The following NKX3-2 variants were observed in gnomAD, a reference collection of about 807,000 sequenced individuals.
NKX3-2 encodes the protein NK3 homeobox 2.
In NKX3-2, 13 loss-of-function variants were observed where a neutral mutation model predicts 19.4. That is an observed-to-expected ratio of 0.67 (90% CI 0.44 to 1.07). NKX3-2 has a LOEUF of 1.07. Ranked by LOEUF, NKX3-2 falls within the 50% of genes least tolerant of loss-of-function variation. The pLI is 0.00. For missense variants in NKX3-2, 562 were observed against 488.2 expected, an observed-to-expected ratio of 1.15 and a Z score of -1.42; for synonymous variants, 269 against 230.5, an observed-to-expected ratio of 1.17 and a Z score of -1.51.
In NKX3-2 at chr4:13,542,286, C is replaced by A. The variant is rs778533056; in HGVS notation, c.709G>T (p.Ala237Ser). 1.9e-6 allele frequency: 3 copies of A among 1,609,002 alleles called. No homozygotes were observed. The highest frequency in any genetic ancestry group is 2.5e-6 in the Non-Finnish European group (3 of 1,178,636). The change falls in exon 2 of 2, where the codon GCA (alanine) becomes TCA (serine). Residue 237 changes from alanine to serine, a missense_variant. Transcript: ENST00000382438. The surrounding 1 kb of genome is among the most constrained non-coding windows in gnomAD (Gnocchi z 6.4). ...HQRYLSGPER[A>S]DLAASLKLTE... Reference sequence around the variant, plus strand: ...AGCTTCAGCGACGCGGCCAGGTCTGCGCGCTCGGGCCCGGACAGGTAGCGC... The same window carrying A: ...AGCTTCAGCGACGCGGCCAGGTCTGAGCGCTCGGGCCCGGACAGGTAGCGC...
chr4:13,547,354 A>G (rs1577287127), upstream of NKX3-2: 2 of 407,480 alleles, frequency 4.9e-6, no homozygotes, highest in South Asian at 3.5e-5. Context: ...TGTGAGCTCC[A>G]GGAACTCTGC....
Position 13,542,095 on chromosome 4 carries a change from C to A in NKX3-2, c.900G>T (p.Arg300=), listed in dbSNP as rs775647687. ...GCTGCAGTGGCAGAAGCGAGGGTGG[C>A]CGCAGCACTTCGCCGGGCAGGTATT... The part of the protein sequence containing the change: ...QRQYLPGEVL[R]PPSLLPLQPS... Residue 300 remains arginine (R), a synonymous_variant, in exon 2 of 2, where the codon CGG becomes CGT. Transcript: ENST00000382438. This position sits in a 1 kb window ranked among gnomAD's most constrained non-coding sequence, Gnocchi z 6.4. 7.5e-6 allele frequency: 12 copies of A among 1,606,796 alleles called. No homozygotes were observed. The highest frequency in any genetic ancestry group is 2.2e-5 in the East Asian group (1 of 44,614).
chr4:13,544,285 C>A lies in NKX3-2; in HGVS notation c.130G>T (p.Ala44Ser). 6.5e-7 allele frequency: 1 copy of A among 1,544,534 alleles called. No homozygotes were observed. Among genetic ancestry groups the A allele is most frequent in the Non-Finnish European group, 8.7e-7 (1 of 1,153,022 alleles). The stretch of plus-strand genomic sequence containing the variant: ...CAACAGCAGACAGCGGGAGCCGCGG[C>A]CACCGATGCCGCTGTGCCCCCGGGC... Reference protein sequence around the residue: ...PAPGGTAASVAAAPAVCCWRL... With the variant: ...PAPGGTAASVSAAPAVCCWRL... Residue 44 changes from alanine (A) to serine (S), a missense_variant, in exon 1 of 2, where the codon GCC becomes TCC. By Grantham distance (99) the Ala-to-Ser change is moderately conservative. Transcript: ENST00000382438.
chr4:13,542,188 G>C lies in NKX3-2; in HGVS notation c.807C>G (p.Asp269Glu). The C allele has an allele frequency of 6.2e-7, 1 of 1,609,388 alleles. No homozygotes were observed. Among genetic ancestry groups the C allele is most frequent in the East Asian group, 2.2e-5 (1 of 44,616 alleles). ...TGGCGGCGGGCGCCGAGGCCAGCAG[G>C]TCGGCTGCCATCTGCCGGCGCTTTG... ...YKTKRRQMAA[D>E]LLASAPAAKK... Residue 269 changes from aspartate (D) to glutamate (E), a missense_variant, in exon 2 of 2, where the codon GAC becomes GAG. Coordinates refer to ENST00000382438, the MANE Select transcript of NKX3-2 (RefSeq NM_001189.4). This position sits in a 1 kb window ranked among gnomAD's most constrained non-coding sequence, Gnocchi z 6.4.
chr4:13,542,401 C>T lies in NKX3-2; in HGVS notation c.594G>A (p.Glu198=), dbSNP rs1268326197. 1.3e-6 allele frequency: 2 copies of T among 1,501,588 alleles called. No individual in the cohort carries two copies. 93.0% of individuals were successfully genotyped at this position (1,501,588 alleles called of 1,614,324 possible). A position where few individuals can be genotyped will look rare whatever the true frequency, so the allele number is the denominator to read the frequency against. ...GPAGVAEEEE[E]PAAPKPRKKR... ...TCTTGCGTGGCTTGGGCGCCGCCGG[C>T]TCCTCCTCCTCCTCCGCGACGCCTG... The change falls in exon 2 of 2, where the codon GAG becomes GAA. Residue 198 remains glutamate, a synonymous_variant. Transcript: ENST00000382438. This position sits in a 1 kb window ranked among gnomAD's most constrained non-coding sequence, Gnocchi z 6.4.
upstream of NKX3-2, chr4:13,547,102 G>T: frequency 6.6e-6 from 3 of 456,334 alleles, no homozygotes; most frequent in Non-Finnish European, 1.3e-5. Context: ...GTCTTGAGCT[G>T]CAACTAGAAG....
chr4:13,542,667 G>T lies in NKX3-2; in HGVS notation c.467-139C>A. 1 of 1,150,994 alleles carries T rather than the reference G, an allele frequency of 8.7e-7. No homozygotes were observed. The highest frequency in any genetic ancestry group is 1.3e-6 in the Non-Finnish European group (1 of 793,000). The allele number at this position is 1,150,994 out of a possible 1,614,324, so 71.3% of individuals were successfully genotyped here. ...CTCAAGCGGAGCGGAGGTCTGGGAG[G>T]CCCTGGGCCCGGGAGACCAGTCTTA... On this transcript the variant is annotated intron_variant, in intron 1 of 1. Transcript: ENST00000382438. This position sits in a 1 kb window ranked among gnomAD's most constrained non-coding sequence, Gnocchi z 6.4.
At chr4:13,545,246 C>T (rs986697306), upstream of NKX3-2, among the ~76,000 whole-genome samples, 3 of 152,214 alleles carry the variant, frequency 2.0e-5, no homozygotes, top group Non-Finnish European at 4.4e-5. Context: ...GTCCTCGAAG[C>T]ACCCTCCAGC....
chr4:13,545,552 C>T (rs948527641), upstream of NKX3-2, among the ~76,000 whole-genome samples: 5 of 151,450 alleles, frequency 3.3e-5, no homozygotes, highest in Non-Finnish European at 7.4e-5. Flanking sequence ...TTTTTCTTTC[C>T]TCGTCGTCTT....
rs1718067047 is a variant in NKX3-2 at position 13,544,205 on chromosome 4, CAG to C, written c.208_209del (p.Leu70AlafsTer61). 2 of 1,599,554 alleles carry C rather than the reference CAG, an allele frequency of 1.3e-6. No individual in the cohort carries two copies. Among genetic ancestry groups the C allele is most frequent in the Non-Finnish European group, 1.7e-6 (2 of 1,178,384 alleles). Reference sequence around the variant, plus strand: ...TTCTGGTACCGGCAGGAGACGCCAGCAGAGAGTCCTCGGCGCCCCCCAACGCG... The same window carrying C: ...TTCTGGTACCGGCAGGAGACGCCAGCAGAGTCCTCGGCGCCCCCCAACGCG... ...AGALGGAEDS[L>X]LASPAGTRTA... On this transcript the variant is annotated frameshift_variant, in exon 1 of 2. Transcript: ENST00000382438. LOFTEE classifies it high-confidence loss of function.
Position 13,544,386 on chromosome 4 carries a change from G to T in NKX3-2, c.29C>A (p.Thr10Lys), listed in dbSNP as rs369239936. The T allele has an allele frequency of 1.0e-5, 16 of 1,548,326 alleles. No homozygotes were observed. In the African/African-American group the frequency reaches 1.8e-4, roughly 18 times the overall value. Residue 10 changes from threonine (T) to lysine (K), a missense_variant, in exon 1 of 2, where the codon ACG becomes AAG. Coordinates refer to ENST00000382438, the MANE Select transcript of NKX3-2 (RefSeq NM_001189.4). MAVRGANTL[T>K]SFSIQAILNK... ...GAGGATCGCCTGGATGGAGAAGGACGTCAAGGTGTTGGCGCCGCGCACAGC... is the reference window on the plus strand; with the variant it reads ...GAGGATCGCCTGGATGGAGAAGGACTTCAAGGTGTTGGCGCCGCGCACAGC...
In NKX3-2 at chr4:13,543,055, T is replaced by C. The variant is rs931799084; in HGVS notation, c.467-527A>G. 3.9e-5 allele frequency among the ~76,000 whole-genome samples: 6 copies of C among 151,998 alleles called. No individual in the cohort carries two copies. Among genetic ancestry groups the C allele is most frequent in the African/African-American group, 1.4e-4 (6 of 41,414 alleles). On this transcript the variant is annotated intron_variant, in intron 1 of 1. Coordinates refer to ENST00000382438, the MANE Select transcript of NKX3-2 (RefSeq NM_001189.4). This position sits in a 1 kb window ranked among gnomAD's most constrained non-coding sequence, Gnocchi z 7.1. ...TTAGAATCTTTCACCCTCAGCCGCC[T>C]GGGATTGCTGTGAGAGACATGGAAA...
At position 13,544,253 on chromosome 4, in the gene NKX3-2, G is replaced by C; in HGVS notation, c.162C>G (p.Leu54=). The change falls in exon 1 of 2, where the codon CTC becomes CTG. Residue 54 remains leucine, a synonymous_variant. Transcript: ENST00000382438. ...AAAPAVCCWR[L]FGERDAGALG... ...ACGCGCCCGCGTCCCTCTCCCCAAA[G>C]AGCCGCCAACAGCAGACAGCGGGAG... 1 of 1,578,880 alleles carries C rather than the reference G, an allele frequency of 6.3e-7. No homozygotes were observed. The highest frequency in any genetic ancestry group is 8.5e-7 in the Non-Finnish European group (1 of 1,171,120).
upstream of NKX3-2, chr4:13,546,846 C>G (rs1227141062): frequency 6.8e-6 from 3 of 444,332 alleles, 1 homozygote; most frequent in East Asian, 2.1e-4. Context: ...CATACTCCTG[C>G]CACAGCCTTG....
chr4:13,546,810 A>G (rs1718142721), upstream of NKX3-2: 2 of 405,702 alleles, frequency 4.9e-6, no homozygotes, highest in Non-Finnish European at 1.0e-5. Context: ...TTCGATGTTT[A>G]AAAAGAATCC....
chr4:13,545,671 G>C (rs115947622), upstream of NKX3-2, among the ~76,000 whole-genome samples: 2,392 of 152,102 alleles, frequency 0.016, 30 homozygotes, highest in Non-Finnish European at 0.022. Flanking sequence ...TAAATTTTAT[G>C]GTCGTTTCCC....
upstream of NKX3-2, chr4:13,547,419 C>G: frequency 3.1e-6 from 1 of 326,206 alleles, no homozygotes; most frequent in Non-Finnish European, 6.0e-6. Flanking sequence ...GTTGGCGGAG[C>G]TGCGCGGCCC....
In NKX3-2 at chr4:13,543,482, T is replaced by C. The variant is rs1358486423; in HGVS notation, c.466+467A>G. The stretch of plus-strand genomic sequence containing the variant: ...AGCTCTGGCCCACTCGGAGGTGTTC[T>C]TCACCACCTATCCACCTACTGTGGG... On this transcript the variant is annotated intron_variant, in intron 1 of 1. Coordinates refer to ENST00000382438, the MANE Select transcript of NKX3-2 (RefSeq NM_001189.4). The surrounding 1 kb of genome is among the most constrained non-coding windows in gnomAD (Gnocchi z 7.1). Among the ~76,000 whole-genome samples, 1 of 152,186 alleles carries C rather than the reference T, an allele frequency of 6.6e-6. No individual in the cohort carries two copies. Among genetic ancestry groups the C allele is most frequent in the Non-Finnish European group, 1.5e-5 (1 of 68,024 alleles).
Position 13,542,545 on chromosome 4 carries a change from GA to G in NKX3-2, c.467-18del, listed in dbSNP as rs1560165184. ...TGCGGTCGCCTGCGGACCCCGGTGG[GA>G]ACAGAAACAAGAGACTGTCAGCGCC... On this transcript the variant is annotated intron_variant, in intron 1 of 1. Transcript: ENST00000382438. The surrounding 1 kb of genome is among the most constrained non-coding windows in gnomAD (Gnocchi z 6.4). 6.3e-6 allele frequency: 10 copies of G among 1,596,190 alleles called. No individual in the cohort carries two copies. Among genetic ancestry groups the G allele is most frequent in the Non-Finnish European group, 8.5e-6 (10 of 1,179,614 alleles).
Sources: gnomAD v4.1 joint callset for allele counts (sites outside exome capture counted in the v4.1 genomes callset) on GRCh38, gnomAD v4.1.1 for gene constraint, Gnocchi (gnomAD v3.1) non-coding constraint, MANE v1.5 for transcripts, NCBI Gene and HGNC (gene_info 2026-07-23, HGNC 2026-07-21) for gene names.